Variants in ADD2 observed in about 807,000 individuals in gnomAD.
The protein encoded by ADD2 is adducin 2, also known as beta-adducin.
A neutral mutation model predicts 83.0 loss-of-function variants in ADD2; 23 were observed. That is an observed-to-expected ratio of 0.28 (90% CI 0.20 to 0.39). The LOEUF is 0.39. Ranked by LOEUF, ADD2 falls within the 10% of genes least tolerant of loss-of-function variation. The pLI is 1.00. For synonymous variants in ADD2, 375 were observed against 375.4 expected, an observed-to-expected ratio of 1.00 and a Z score of 0.01; for missense variants, 758 against 944.9, an observed-to-expected ratio of 0.80 and a Z score of 2.59.
chr2:70,743,236 G>A (rs1674014641), intron 1 of ADD2, among the ~76,000 whole-genome samples: 1 of 152,174 alleles, frequency 6.6e-6, no homozygotes, highest in Non-Finnish European at 1.5e-5. Context: ...GGCTCTCCAT[G>A]TATCACCCCA....
chr2:70,698,844 C>T (rs1359335747), intron 4 of ADD2, among the ~76,000 whole-genome samples: 1 of 151,876 alleles, frequency 6.6e-6, no homozygotes, highest in Non-Finnish European at 1.5e-5. Flanking sequence ...TAAGAAAACA[C>T]AGAAAAAGAT....
intron 11 of ADD2, 151 bp downstream of exon 11, chr2:70,678,553 C>T (rs1461771613): frequency 8.7e-7 from 1 of 1,155,130 alleles, no homozygotes; most frequent in Admixed American, 2.7e-5. Context: ...TGGGCCTGAG[C>T]AGCTGCTCCC....
intron 15 of ADD2, among the ~76,000 whole-genome samples, 168 bp from the exon 16 acceptor site, chr2:70,663,903 T>C (rs753016972): frequency 1.3e-5 from 2 of 152,124 alleles, no homozygotes; most frequent in Non-Finnish European, 2.9e-5. Context: ...AAGGACTGGG[T>C]TCTGATCTGC....
At chr2:70,767,823 G>GTC in intron 1 of ADD2, 63 bp downstream of exon 1, 1 of 1,529,284 alleles carries the variant, frequency 6.5e-7, no homozygotes, top group Non-Finnish European at 8.7e-7. Context: ...GGATGCCAGG[G>GTC]TCTCCGCGCC....
intron 1 of ADD2, 119 bp from the exon 2 acceptor site, chr2:70,713,303 G>C (rs1672292873): frequency 2.9e-6 from 1 of 347,704 alleles, no homozygotes; most frequent in African/African-American, 2.2e-5. Flanking sequence ...TATTTTAAAA[G>C]CAAATTATGC....
At chr2:70,729,081 G>C (rs1405940510) in intron 1 of ADD2, among the ~76,000 whole-genome samples, 1 of 152,222 alleles carries the variant, frequency 6.6e-6, no homozygotes, top group Non-Finnish European at 1.5e-5. Context: ...CTTTCCTGCT[G>C]ACCCCTGCAG....
intron 15 of ADD2, 51 bp from the exon 16 acceptor site, chr2:70,663,786 C>A (rs782257567): frequency 6.4e-7 from 1 of 1,554,314 alleles, no homozygotes; most frequent in South Asian, 1.2e-5. Flanking sequence ...CAGGTGACAG[C>A]TTCCACCTGG....
chr2:70,704,281 C>CCCCCCCCCT, intron 4 of ADD2, 40 bp downstream of exon 4: 1 of 1,546,782 alleles, frequency 6.5e-7, no homozygotes, highest in South Asian at 1.2e-5. Context: ...CCACCCTCCC[C>CCCCCCCCCT]TCCACCTCTG....
chr2:70,703,243 A>AGG (rs1671701365), intron 4 of ADD2, among the ~76,000 whole-genome samples: 1 of 152,190 alleles, frequency 6.6e-6, no homozygotes, highest in South Asian at 2.1e-4. Context: ...AAAGAGAGAG[A>AGG]GAAAGGAAGA....
At chr2:70,738,040 A>G (rs1020852698) in intron 1 of ADD2, among the ~76,000 whole-genome samples, 9 of 152,228 alleles carry the variant, frequency 5.9e-5, no homozygotes, top group African/African-American at 1.4e-4. Flanking sequence ...ATCTGGGTTC[A>G]TCTGATTTCA....
chr2:70,704,263 T>TGGCCCCCCCCCCC, intron 4 of ADD2, 58 bp downstream of exon 4: 7 of 913,232 alleles, frequency 7.7e-6, no homozygotes, highest in Non-Finnish European at 1.2e-5. Context: ...CTCCCTCTCT[T>TGGCCCCCCCCCCC]CCCCACCCCA....
At chr2:70,766,889 C>A (rs1675411421) in intron 1 of ADD2, among the ~76,000 whole-genome samples, 1 of 152,178 alleles carries the variant, frequency 6.6e-6, no homozygotes, top group African/African-American at 2.4e-5. Context: ...AATCATGTGT[C>A]AGAGATAAAT....
intron 1 of ADD2, among the ~76,000 whole-genome samples, chr2:70,738,171 A>G (rs1440713601): frequency 6.6e-6 from 1 of 152,254 alleles, no homozygotes; most frequent in Admixed American, 6.5e-5. Context: ...AGGGAAGAAC[A>G]GGATGTTCAA....
chr2:70,674,847 T>C (rs781846613), intron 13 of ADD2, 22 bp from the exon 14 acceptor site: 3 of 1,606,636 alleles, frequency 1.9e-6, no homozygotes, highest in South Asian at 2.2e-5. Flanking sequence ...CCACAGAGGG[T>C]GTGTCGCTCT....
At chr2:70,703,234 A>G (rs887750570) in intron 4 of ADD2, among the ~76,000 whole-genome samples, 3 of 152,134 alleles carry the variant, frequency 2.0e-5, no homozygotes, top group Non-Finnish European at 4.4e-5. Flanking sequence ...GAGAAAGAGA[A>G]AGAGAGAGAG....
At chr2:70,752,009 A>G (rs542837451) in intron 1 of ADD2, among the ~76,000 whole-genome samples, 141 of 152,346 alleles carry the variant, frequency 9.3e-4, no homozygotes, top group African/African-American at 3.1e-3. Context: ...GTAATTATCA[A>G]ACATAAACAT....
intron 1 of ADD2, among the ~76,000 whole-genome samples, chr2:70,734,265 A>G (rs1673416066): frequency 6.6e-6 from 1 of 152,142 alleles, no homozygotes; most frequent in African/African-American, 2.4e-5. Context: ...CAAGTGATTG[A>G]CCCATCTTAT....
At chr2:70,685,068 G>T (rs562792278) in intron 9 of ADD2, among the ~76,000 whole-genome samples, 1 of 152,304 alleles carries the variant, frequency 6.6e-6, no homozygotes, top group African/African-American at 2.4e-5. Context: ...AGTCCAGGTG[G>T]TGAGCCAGGT....
Position 70,672,903 on chromosome 2 carries a change from T to C in ADD2, c.1845A>G (p.Leu615=). 6 of 1,613,192 alleles carry C rather than the reference T, an allele frequency of 3.7e-6. No individual in the cohort carries two copies. Among genetic ancestry groups the C allele is most frequent in the Non-Finnish European group, 4.2e-6 (5 of 1,179,756 alleles). Residue 615 remains leucine, a synonymous_variant, in exon 15 of 16, where the codon TTA becomes TTG. Transcript: ENST00000264436. ...PAKEAETKSP[L]VSPSKSLEEG... Reference sequence around the variant, plus strand: ...CCTCTAAAGACTTGGAAGGAGAGACTAAAGGGCTCTTTGTCTCTGCCTCCT... The same window carrying C: ...CCTCTAAAGACTTGGAAGGAGAGACCAAAGGGCTCTTTGTCTCTGCCTCCT...
Sources: gnomAD v4.1 joint callset for allele counts (sites outside exome capture counted in the v4.1 genomes callset) on GRCh38, gnomAD v4.1.1 for gene constraint, MANE v1.5 for transcripts, NCBI Gene and HGNC (gene_info 2026-07-23, HGNC 2026-07-21) for gene names.